The following GCDH variants were observed in gnomAD, a reference collection of about 807,000 sequenced individuals.
GCDH encodes glutaryl-CoA dehydrogenase.
A neutral mutation model predicts 52.8 loss-of-function variants in GCDH; 31 were observed. The ratio of observed to expected loss-of-function variants is 0.59; its 90% confidence interval spans 0.44 to 0.79. GCDH has a LOEUF of 0.79. GCDH is among the 30% of genes least tolerant of loss of function. The pLI is 0.00. For missense variants in GCDH, 509 were observed against 595.0 expected (o/e 0.86, Z 1.50); for synonymous variants, 242 against 250.0 (o/e 0.97, Z 0.30).
Position 12,891,522 on chromosome 19 carries a change from T to G in GCDH, c.127T>G (p.Ser43Ala). 6.2e-7 allele frequency: 1 copy of G among 1,614,150 alleles called. No homozygotes were observed. The highest frequency in any genetic ancestry group is 8.5e-7 in the Non-Finnish European group (1 of 1,180,006). ...GGRTQSQLAK[S>A]SRPEFDWQDP... ...GAGAACACAGAGCCAACTGGCTAAG[T>G]GTAAGGACCTCTGGTCGCACCGTGT... The change falls in exon 3 of 12, where the codon TCC becomes GCC. Residue 43 changes from serine (S) to alanine (A), a missense_variant and splice_region_variant. By Grantham distance (99) the Ser-to-Ala change is moderately conservative (BLOSUM62 1). Transcript: ENST00000222214.
chr19:12,891,594 TC>T, intron 3 of GCDH, 72 bp downstream of exon 3: 1 of 1,613,336 alleles, frequency 6.2e-7, no homozygotes, highest in Non-Finnish European at 8.5e-7. Flanking sequence ...GTGGACTCTG[TC>T]CCAGAATCCG....
At position 12,896,749 on chromosome 19, in the gene GCDH, C is replaced by T. The variant is rs1970690274; in HGVS notation, c.853-161C>T. 6.6e-6 allele frequency among the ~76,000 whole-genome samples: 1 copy of T among 152,206 alleles called. No homozygotes were observed. Among genetic ancestry groups the T allele is most frequent in the South Asian group, 2.1e-4 (1 of 4,830 alleles). On this transcript the variant is annotated intron_variant, in intron 8 of 11. Coordinates refer to ENST00000222214, the MANE Select transcript of GCDH (RefSeq NM_000159.4). This position sits in a 1 kb window ranked among gnomAD's most constrained non-coding sequence, Gnocchi z 5.5. ...ACTGTGTGCAAACCGAGTGAGCAGGCACCGAGCTTCAGTGCCAGGGCCATC... is the reference window on the plus strand; with the variant it reads ...ACTGTGTGCAAACCGAGTGAGCAGGTACCGAGCTTCAGTGCCAGGGCCATC...
In GCDH at chr19:12,893,921, C is replaced by T. The variant is rs73505327; in HGVS notation, c.505+268C>T. The T allele has an allele frequency of 0.018, 10,474 of 593,326 alleles. 878 individuals carry two copies. The highest frequency in any genetic ancestry group is 0.18 in the African/African-American group (9,452 of 53,848). 36.8% of individuals were successfully genotyped at this position (593,326 alleles called of 1,614,324 possible). On this transcript the variant is annotated intron_variant, in intron 6 of 11. Coordinates refer to ENST00000222214, the MANE Select transcript of GCDH (RefSeq NM_000159.4). ...TTAAAGTCCACCAGGTTCCTGCTGG[C>T]CATTTGCAGTGGCTCACACCTATAA...
chr19:12,895,964 G>A (rs1970665668), intron 6 of GCDH, 28 bp from the exon 7 acceptor site: 3 of 1,613,396 alleles, frequency 1.9e-6, no homozygotes, highest in Non-Finnish European at 2.5e-6. Context: ...GGACCAGGCA[G>A]CCTTGTGACT....
In GCDH at chr19:12,896,887, G is replaced by T; in HGVS notation, c.853-23G>T. The T allele has an allele frequency of 1.9e-6, 3 of 1,572,742 alleles. No homozygotes were observed. Among genetic ancestry groups the T allele is most frequent in the Non-Finnish European group, 2.6e-6 (3 of 1,143,418 alleles). On this transcript the variant is annotated intron_variant, in intron 8 of 11. Coordinates refer to ENST00000222214, the MANE Select transcript of GCDH (RefSeq NM_000159.4). The surrounding 1 kb of genome is among the most constrained non-coding windows in gnomAD (Gnocchi z 5.5). Reference sequence around the variant, plus strand: ...CTCTTGGTGTCTCTTGGGTGGGCCTGAGGCGCCATCTCAACCCTACAGGGT... The same window carrying T: ...CTCTTGGTGTCTCTTGGGTGGGCCTTAGGCGCCATCTCAACCCTACAGGGT...
chr19:12,894,835 C>A, intron 6 of GCDH: 2 of 586,042 alleles, frequency 3.4e-6, no homozygotes, highest in South Asian at 2.8e-5. Context: ...GCAGACTGTC[C>A]TCTCTGCGAG....
At chr19:12,892,277 T>G (rs767868063) in intron 5 of GCDH, 99 bp downstream of exon 5, 2 of 1,083,778 alleles carry the variant, frequency 1.8e-6, no homozygotes, top group Non-Finnish European at 2.8e-6. Flanking sequence ...TCTCTTTCTT[T>G]TCTTTTCCTT....
Position 12,891,597 on chromosome 19 carries a change from C to G in GCDH, c.127+75C>G, listed in dbSNP as rs1970558082. 1.9e-6 allele frequency: 3 copies of G among 1,613,276 alleles called. No individual in the cohort carries two copies. The East Asian group carries it at 6.7e-5, about 36-fold the overall frequency. ...TGTCTGCCGCAGGTGGACTCTGTCC[C>G]AGAATCCGAGAGCTGCCCGAGCGGG... On this transcript the variant is annotated intron_variant, in intron 3 of 11. Coordinates refer to ENST00000222214, the MANE Select transcript of GCDH (RefSeq NM_000159.4).
At chr19:12,893,451 A>G (rs552561375) in intron 5 of GCDH, 32 bp from the exon 6 acceptor site, 6 of 1,602,634 alleles carry the variant, frequency 3.7e-6, no homozygotes, top group South Asian at 2.2e-5. Context: ...CCTGTTCTCT[A>G]TTGTCCTGCT....
rs1469769180 is a variant in GCDH at position 12,897,445 on chromosome 19, G to C, written c.1082+17G>C. The C allele has an allele frequency of 6.2e-7, 1 of 1,612,210 alleles. No individual in the cohort carries two copies. The highest frequency in any genetic ancestry group is 1.1e-5 in the South Asian group (1 of 91,072). On this transcript the variant is annotated intron_variant, in intron 10 of 11. Transcript: ENST00000222214. ...CCAGGACAAGTAGGGGCTGTGTGGTGGGGGCGGGGGGATGGCAGCGGTGGC... is the reference window on the plus strand; with the variant it reads ...CCAGGACAAGTAGGGGCTGTGTGGTCGGGGCGGGGGGATGGCAGCGGTGGC...
At position 12,896,003 on chromosome 19, in the gene GCDH, C is replaced by G. The variant is rs398123193; in HGVS notation, c.517C>G (p.Leu173Val). 3 of 1,614,076 alleles carry G rather than the reference C, an allele frequency of 1.9e-6. No homozygotes were observed. In the South Asian group the frequency reaches 3.3e-5, roughly 18 times the overall value. The change falls in exon 7 of 12, where the codon CTC becomes GTC. Residue 173 changes from leucine (L) to valine (V), a missense_variant. Leu to Val is a conservative substitution (Grantham distance 32). Transcript: ENST00000222214. The surrounding 1 kb of genome is among the most constrained non-coding windows in gnomAD (Gnocchi z 5.5). Reference protein sequence around the residue: ...KYLPQLAKGELLGCFGLTEPN... With the variant: ...KYLPQLAKGEVLGCFGLTEPN... Reference sequence around the variant, plus strand: ...TCTTGTGCCTGCAGCCAAGGGGGAGCTCCTGGGCTGCTTCGGGCTCACAGA... The same window carrying G: ...TCTTGTGCCTGCAGCCAAGGGGGAGGTCCTGGGCTGCTTCGGGCTCACAGA...
At chr19:12,894,793 T>A in intron 6 of GCDH, 1 of 716,858 alleles carries the variant, frequency 1.4e-6, no homozygotes, top group Non-Finnish European at 2.2e-6. Flanking sequence ...TGAAGGAGGC[T>A]AAGAAGCACC....
rs1278213620 is a variant in GCDH, at chr19:12,897,708, C to T, written c.1088C>T (p.Ala363Val). 27 of 1,613,958 alleles carry T rather than the reference C, an allele frequency of 1.7e-5. No individual in the cohort carries two copies. Among genetic ancestry groups the T allele is most frequent in the Non-Finnish European group, 2.3e-5 (27 of 1,180,002 alleles). ...LGRLKDQDKA[A>V]PEMVSLLKRN... ...CCCTCATGTGCCACTCCCAGGGCTGCCCCCGAGATGGTTTCTCTGCTGAAG... is the reference window on the plus strand; with the variant it reads ...CCCTCATGTGCCACTCCCAGGGCTGTCCCCGAGATGGTTTCTCTGCTGAAG... The change falls in exon 11 of 12, where the codon GCC becomes GTC. Residue 363 changes from alanine to valine, a missense_variant. Transcript: ENST00000222214.
At chr19:12,898,361 TAA>T (rs369382721) in intron 11 of GCDH, 22 of 136,182 alleles carry the variant, frequency 1.6e-4, no homozygotes, top group South Asian at 8.3e-4. Context: ...AAAAGATACT[TAA>T]AAAAAAAAAA....
In GCDH at chr19:12,891,910, C is replaced by T. The variant is rs752123594; in HGVS notation, c.207C>T (p.Asp69=). 2 of 1,614,022 alleles carry T rather than the reference C, an allele frequency of 1.2e-6. No individual in the cohort carries two copies. Among genetic ancestry groups the T allele is most frequent in the Non-Finnish European group, 1.7e-6 (2 of 1,179,972 alleles). The change falls in exon 4 of 12, where the codon GAC becomes GAT. Residue 69 remains aspartate (D), a synonymous_variant. Coordinates refer to ENST00000222214, the MANE Select transcript of GCDH (RefSeq NM_000159.4). ...CCACAGATGAGATCCTCATCAGGGA[C>T]ACCTTCCGCACCTACTGCCAGGAGA... ...QLTTDEILIR[D]TFRTYCQERL...
chr19:12,894,535 G>A (rs1970630600), intron 6 of GCDH: 6 of 671,436 alleles, frequency 8.9e-6, no homozygotes, highest in Non-Finnish European at 1.4e-5. Flanking sequence ...GTCACCTGGG[G>A]CCCAGTACAG....
Position 12,892,214 on chromosome 19 carries a change from C to G in GCDH, c.334+36C>G, listed in dbSNP as rs1238316288. Reference sequence around the variant, plus strand: ...GTATCTCTCCACACACTGCAGAACCCTCTGTATTCTGAAAGCCTCTTCCTC... The same window carrying G: ...GTATCTCTCCACACACTGCAGAACCGTCTGTATTCTGAAAGCCTCTTCCTC... On this transcript the variant is annotated intron_variant, in intron 5 of 11. Transcript: ENST00000222214. 47 of 1,543,586 alleles carry G rather than the reference C, an allele frequency of 3.0e-5. No homozygotes were observed. In the East Asian group the frequency reaches 1.0e-3, roughly 33 times the overall value.
rs867057161 is a variant in GCDH, at chr19:12,897,368, C to T, written c.1022C>T (p.Thr341Ile). The T allele has an allele frequency of 1.2e-6, 2 of 1,613,656 alleles. No homozygotes were observed. The highest frequency in any genetic ancestry group is 2.7e-5 in the African/African-American group (2 of 74,902). Residue 341 changes from threonine (T) to isoleucine (I), a missense_variant, in exon 10 of 12, where the codon ACT (threonine) becomes ATT (isoleucine). Transcript: ENST00000222214. ...CAGAAGAAGCTGGCAGACATGCTCA[C>T]TGAGATTACCCTGGGCCTTCACGCC... is the stretch of plus-strand genomic sequence containing the variant. ...LIQKKLADML[T>I]EITLGLHACL...
chr19:12,892,670 C>G (rs547846146), intron 5 of GCDH, among the ~76,000 whole-genome samples: 2 of 151,996 alleles, frequency 1.3e-5, no homozygotes, highest in East Asian at 3.9e-4. Flanking sequence ...GCAGCCTCCA[C>G]CTCCCGGGTT....
Sources: allele counts gnomAD v4.1 joint callset (sites outside exome capture counted in the v4.1 genomes callset), GRCh38; gene constraint gnomAD v4.1.1; non-coding constraint Gnocchi (gnomAD v3.1); transcripts MANE v1.5; gene names NCBI Gene and HGNC (gene_info 2026-07-23, HGNC 2026-07-21).